HRH1: variants seen among roughly 807,000 people sequenced by gnomAD.
The protein encoded by HRH1 is histamine receptor H1.
Under a neutral mutation model 10.3 loss-of-function variants are expected in HRH1, and 6 were observed. That is an observed-to-expected ratio of 0.58 (90% confidence interval 0.32 to 1.15). HRH1 has a LOEUF of 1.15. HRH1 is among the 50% of genes most tolerant of loss of function. The pLI is 0.05. For missense variants in HRH1, 514 were observed against 615.3 expected (o/e 0.84, Z 1.74); for synonymous variants, 242 against 236.7 (o/e 1.02, Z -0.21).
At chr3:11,194,031 G>A (rs766681963) in intron 1 of HRH1, among the ~76,000 whole-genome samples, 52 of 152,344 alleles carry the variant, frequency 3.4e-4, no homozygotes, top group Non-Finnish European at 4.1e-4. Flanking sequence ...GATGTTGCTG[G>A]TCTTGAAGTT....
At chr3:11,225,328 C>A (rs910439811) in intron 1 of HRH1, among the ~76,000 whole-genome samples, 1 of 152,202 alleles carries the variant, frequency 6.6e-6, no homozygotes, top group East Asian at 1.9e-4. Flanking sequence ...GAGAACCAGG[C>A]CTGGCCGGCT....
chr3:11,212,385 G>A (rs430353), intron 1 of HRH1, among the ~76,000 whole-genome samples: 87,202 of 152,036 alleles, frequency 0.57, 25,457 homozygotes, highest in East Asian at 0.67. Flanking sequence ...CATTGCAGAC[G>A]TTGGCTTTTT....
intron 1 of HRH1, among the ~76,000 whole-genome samples, chr3:11,237,252 T>G (rs186999789): frequency 6.6e-6 from 1 of 152,386 alleles, no homozygotes; most frequent in Admixed American, 6.5e-5. Context: ...GGATGATGTA[T>G]TCACTGTATC....
intron 1 of HRH1, among the ~76,000 whole-genome samples, chr3:11,190,166 C>T (rs1044705075): frequency 5.3e-5 from 8 of 151,928 alleles, no homozygotes; most frequent in Non-Finnish European, 1.2e-4. Flanking sequence ...GTCCTGCCCT[C>T]GATCAGCTGT....
intron 1 of HRH1, among the ~76,000 whole-genome samples, chr3:11,177,253 T>TTAAATAAATAAA (rs201560218): frequency 0.018 from 2,691 of 149,410 alleles, 40 homozygotes; most frequent in Middle Eastern, 0.041. Flanking sequence ...AATAAATAAA[T>TTAAATAAATAAA]TAAATAAATA....
chr3:11,220,776 T>TC (rs1364235792), intron 1 of HRH1, among the ~76,000 whole-genome samples: 1 of 152,194 alleles, frequency 6.6e-6, no homozygotes, highest in Non-Finnish European at 1.5e-5. Flanking sequence ...ATTCACTTTT[T>TC]CCCCCTGCAT....
At chr3:11,216,311 G>A (rs899649395) in intron 1 of HRH1, among the ~76,000 whole-genome samples, 5 of 152,146 alleles carry the variant, frequency 3.3e-5, no homozygotes, top group African/African-American at 1.2e-4. Flanking sequence ...TTGAAGAGAC[G>A]TCTATATACA....
At chr3:11,150,692 G>A (rs1381780655), upstream of HRH1, among the ~76,000 whole-genome samples, 1 of 152,116 alleles carries the variant, frequency 6.6e-6, no homozygotes, top group Non-Finnish European at 1.5e-5. Flanking sequence ...GGGGACATGG[G>A]TTCTGTGGCT....
intron 1 of HRH1, among the ~76,000 whole-genome samples, chr3:11,232,565 G>T (rs1010693851): frequency 3.3e-5 from 5 of 152,072 alleles, no homozygotes; most frequent in Admixed American, 2.0e-4. Flanking sequence ...TGGGTAGGTC[G>T]ATTTCTCCCA....
At chr3:11,209,357 C>A (rs546006200) in intron 1 of HRH1, among the ~76,000 whole-genome samples, 1 of 152,278 alleles carries the variant, frequency 6.6e-6, no homozygotes, top group Admixed American at 6.5e-5. Flanking sequence ...CTCCCCAGTA[C>A]TGGGAATCCT....
intron 1 of HRH1, among the ~76,000 whole-genome samples, chr3:11,244,439 A>C (rs1183713650): frequency 1.3e-5 from 2 of 152,208 alleles, no homozygotes; most frequent in East Asian, 3.9e-4. Flanking sequence ...AGCTTCCACC[A>C]CAGTGAAAAA....
Position 11,254,654 on chromosome 3 carries a change from C to T in HRH1, c.-35-4349C>T, listed in dbSNP as rs961350879. On this transcript the variant is annotated intron_variant, in intron 1 of 1. Coordinates refer to ENST00000431010, the MANE Select transcript of HRH1 (RefSeq NM_001098212.2). ...GCCACCGCAACAAAGCAGCGGGCTG[C>T]GTCTCCTCACGAGAAATGATCTGAG... is the stretch of plus-strand genomic sequence containing the variant. 1.4e-4 allele frequency among the ~76,000 whole-genome samples: 21 copies of T among 152,202 alleles called. No individual in the cohort carries two copies. In the East Asian group the frequency reaches 2.3e-3, roughly 17 times the overall value.
In HRH1 at chr3:11,259,204, G is replaced by A. The variant is rs200606524; in HGVS notation, c.167G>A (p.Arg56Gln). The A allele has an allele frequency of 4.3e-6, 7 of 1,613,634 alleles. No individual in the cohort carries two copies. The highest frequency in any genetic ancestry group is 1.3e-5 in the African/African-American group (1 of 74,860). Residue 56 changes from arginine (R) to glutamine (Q), a missense_variant, in exon 2 of 2, where the codon CGG (arginine) becomes CAG (glutamine). Coordinates refer to ENST00000431010, the MANE Select transcript of HRH1 (RefSeq NM_001098212.2). The surrounding 1 kb of genome is among the most constrained non-coding windows in gnomAD (Gnocchi z 4.6). ...GTGCTGTATGCCGTACGGAGTGAGC[G>A]GAAGCTCCACACTGTGGGGAACCTG... ...LLVLYAVRSE[R>Q]KLHTVGNLYI...
Position 11,181,627 on chromosome 3 carries a change from CTT to C in HRH1, c.-36+27094_-36+27095del, listed in dbSNP as rs35710248. On this transcript the variant is annotated intron_variant, in intron 1 of 1. Coordinates refer to ENST00000431010, the MANE Select transcript of HRH1 (RefSeq NM_001098212.2). ...GAAATATCTATTCAGATCCCTTGCTCTTTTTTTTTTTTTTTTTTTTTTGAGAC... is the reference window on the plus strand; with the variant it reads ...GAAATATCTATTCAGATCCCTTGCTCTTTTTTTTTTTTTTTTTTTTGAGAC... Among the ~76,000 whole-genome samples, 26 of 113,160 alleles carry C rather than the reference CTT, an allele frequency of 2.3e-4. No individual in the cohort carries two copies. In the South Asian group the frequency reaches 4.4e-3, roughly 19 times the overall value. 74.2% of individuals were successfully genotyped at this position (113,160 alleles called of 152,430 possible).
intron 1 of HRH1, among the ~76,000 whole-genome samples, chr3:11,164,385 A>C (rs966250523): frequency 6.6e-6 from 1 of 152,164 alleles, no homozygotes; most frequent in Non-Finnish European, 1.5e-5. Context: ...CTTTCATTTA[A>C]ATCCTTATCC....
chr3:11,161,953 G>A (rs1479495909), intron 1 of HRH1, among the ~76,000 whole-genome samples: 1 of 152,204 alleles, frequency 6.6e-6, no homozygotes, highest in Non-Finnish European at 1.5e-5. Context: ...CAAAAGGCAA[G>A]ACAAGGCAGC....
upstream of HRH1, among the ~76,000 whole-genome samples, chr3:11,150,362 C>T (rs1936575840): frequency 6.6e-6 from 1 of 152,248 alleles, no homozygotes. Context: ...AAGAGAAGGG[C>T]CATCCTGCCC....
Position 11,259,805 on chromosome 3 carries a change from C to G in HRH1, c.768C>G (p.Pro256=). The G allele has an allele frequency of 6.2e-7, 1 of 1,613,890 alleles. No individual in the cohort carries two copies. Among genetic ancestry groups the G allele is most frequent in the Non-Finnish European group, 8.5e-7 (1 of 1,179,950 alleles). ...GDAKKPGKES[P]WEVLKRKPKD... is the part of the protein sequence containing the mutation. ...CCAAGAAACCAGGGAAGGAGTCTCC[C>G]TGGGAGGTTCTGAAAAGGAAGCCAA... The change falls in exon 2 of 2, where the codon CCC becomes CCG. Residue 256 remains proline, a synonymous_variant. Transcript: ENST00000431010. The surrounding 1 kb of genome is among the most constrained non-coding windows in gnomAD (Gnocchi z 4.6).
intron 1 of HRH1, among the ~76,000 whole-genome samples, chr3:11,165,896 C>T (rs914314711): frequency 2.6e-5 from 4 of 152,178 alleles, no homozygotes; most frequent in Non-Finnish European, 5.9e-5. Context: ...TCACCTAACA[C>T]GGAGTAAGGG....
Sources: gnomAD v4.1 joint callset for allele counts (sites outside exome capture counted in the v4.1 genomes callset) on GRCh38, gnomAD v4.1.1 for gene constraint, Gnocchi (gnomAD v3.1) non-coding constraint, MANE v1.5 for transcripts, NCBI Gene and HGNC (gene_info 2026-07-23, HGNC 2026-07-21) for gene names.